Variants in TG observed in about 807,000 individuals in gnomAD.
The protein encoded by TG is thyroglobulin.
A neutral mutation model predicts 324.7 loss-of-function variants in TG; 270 were observed. The observed-to-expected ratio is 0.83, with a 90% CI of 0.75 to 0.92. The LOEUF (loss-of-function observed/expected upper bound fraction) is 0.92. Among genes scored for constraint, TG ranks in the 40% least tolerant of loss-of-function variants. TG has a pLI of 0.00. For missense variants in TG, 3,591 were observed against 3,456.4 expected (o/e 1.04, Z -0.98); for synonymous variants, 1,401 against 1,327.0 (o/e 1.06, Z -1.21).
At chr8:132,895,609 C>A (rs1450346427) in intron 11 of TG, among the ~76,000 whole-genome samples, 1 of 152,248 alleles carries the variant, frequency 6.6e-6, no homozygotes, top group African/African-American at 2.4e-5. Flanking sequence ...CCTTCTTTCT[C>A]TCTCTTCCGT....
rs1816709993 is a variant in TG, at chr8:132,893,880, G to C, written c.2952G>C (p.Glu984Asp). ...PLFPPREAFA[E>D]QFLRGSDYAI... ...TCCCGCCCCGGGAGGCTTTCGCGGA[G>C]CAGTTTCTGCGTGGGAGTGATTACG... is the stretch of plus-strand genomic sequence containing the variant. The change falls in exon 11 of 48, where the codon GAG (glutamate) becomes GAC (aspartate). Residue 984 changes from glutamate to aspartate, a missense_variant. Physicochemically the swap from Glu to Asp is conservative, Grantham distance 45. Transcript: ENST00000220616. The C allele has an allele frequency of 6.2e-7, 1 of 1,614,074 alleles. No individual in the cohort carries two copies. Among genetic ancestry groups the C allele is most frequent in the Non-Finnish European group, 8.5e-7 (1 of 1,179,972 alleles).
chr8:132,867,505 G>A (rs991341700), intron 1 of TG, among the ~76,000 whole-genome samples: 1 of 149,114 alleles, frequency 6.7e-6, no homozygotes, highest in East Asian at 2.0e-4. Context: ...ATGACTTCGG[G>A]CAAAGTGCCA....
At chr8:132,882,684 G>GGT in intron 7 of TG, 72 bp downstream of exon 7, 1 of 1,613,180 alleles carries the variant, frequency 6.2e-7, no homozygotes, top group Non-Finnish European at 8.5e-7. Flanking sequence ...AAGTTGCTAT[G>GGT]GTGTGTGTGG....
At position 132,887,382 on chromosome 8, in the gene TG, A is replaced by C; in HGVS notation, c.2010A>C (p.Gln670His). 6.2e-7 allele frequency: 1 copy of C among 1,614,210 alleles called. No individual in the cohort carries two copies. Among genetic ancestry groups the C allele is most frequent in the Non-Finnish European group, 8.5e-7 (1 of 1,180,026 alleles). The change falls in exon 9 of 48, where the codon CAA (glutamine) becomes CAC (histidine). Residue 670 changes from glutamine to histidine, a missense_variant. Coordinates refer to ENST00000220616, the MANE Select transcript of TG (RefSeq NM_003235.5). ...TDCEKQRARM[Q>H]SLMGSQPAGS... ...GTGAAAAGCAAAGGGCTCGCATGCA[A>C]AGCCTCATGGGCAGCCAGCCTGCTG...
At chr8:132,910,009 G>A (rs1819278937) in intron 18 of TG, among the ~76,000 whole-genome samples, 1 of 152,142 alleles carries the variant, frequency 6.6e-6, no homozygotes, top group South Asian at 2.1e-4. Flanking sequence ...TTCACACAGG[G>A]CCTGATGAAT....
Position 133,013,781 on chromosome 8 carries a change from G to A in TG, c.6562+17G>A, listed in dbSNP as rs1458450958. The A allele has an allele frequency of 6.2e-7, 1 of 1,605,052 alleles. No homozygotes were observed. Among genetic ancestry groups the A allele is most frequent in the Non-Finnish European group, 8.5e-7 (1 of 1,179,308 alleles). ...GGAAGCCAGGTAAGCCCAAGCCTAT[G>A]CCTTTGCAGCCATCCTGGGAAACTG... On this transcript the variant is annotated intron_variant, in intron 37 of 47. Coordinates refer to ENST00000220616, the MANE Select transcript of TG (RefSeq NM_003235.5).
chr8:133,024,378 CTTTCTTTCTTTCTT>C (rs1432753370), intron 40 of TG, among the ~76,000 whole-genome samples: 6,632 of 80,750 alleles, frequency 0.082, 364 homozygotes, highest in African/African-American at 0.13. Flanking sequence ...TTCTTTCTTT[CTTTCTTTCTTTCTT>C]TTTCTTTTTT....
At chr8:132,959,245 C>A (rs1827404841) in intron 27 of TG, among the ~76,000 whole-genome samples, 1 of 152,210 alleles carries the variant, frequency 6.6e-6, no homozygotes, top group African/African-American at 2.4e-5. Context: ...TCTTTAAACA[C>A]AAACACCTTT....
rs2702986 is a variant in TG, at chr8:133,086,406, A to G, written c.7240-8638A>G. ...AAGTTAGCTATAGATACCAAGAATCATAGTTTGAAATACTGGATAAATGTT... is the reference window on the plus strand; with the variant it reads ...AAGTTAGCTATAGATACCAAGAATCGTAGTTTGAAATACTGGATAAATGTT... On this transcript the variant is annotated intron_variant, in intron 41 of 47. Transcript: ENST00000220616. Among the ~76,000 whole-genome samples the G allele has an allele frequency of 1.6e-3, 239 of 152,372 alleles. 6 individuals carry two copies. In the South Asian group the frequency reaches 0.047, roughly 30 times the overall value.
intron 35 of TG, among the ~76,000 whole-genome samples, chr8:132,991,264 C>T (rs1832293903): frequency 6.6e-6 from 1 of 152,086 alleles, no homozygotes; most frequent in Admixed American, 6.5e-5. Flanking sequence ...TCCACAGTGG[C>T]TTTGCACTCT....
intron 35 of TG, among the ~76,000 whole-genome samples, chr8:133,000,918 G>A (rs1833418533): frequency 6.6e-6 from 1 of 152,162 alleles, no homozygotes; most frequent in South Asian, 2.1e-4. Flanking sequence ...AGCTCTGGAG[G>A]CTGCAAGTCT....
intron 35 of TG, among the ~76,000 whole-genome samples, chr8:133,004,970 T>G (rs749209400): frequency 4.6e-5 from 7 of 152,068 alleles, no homozygotes; most frequent in Non-Finnish European, 8.8e-5. Flanking sequence ...TAGACTCCAC[T>G]GGGAGGAGGC....
intron 44 of TG, among the ~76,000 whole-genome samples, chr8:133,114,919 G>A (rs59645066): frequency 0.065 from 9,839 of 152,192 alleles, 1,064 homozygotes; most frequent in African/African-American, 0.22. Flanking sequence ...CACCCACTTG[G>A]ATCTTGCGGA....
intron 41 of TG, among the ~76,000 whole-genome samples, chr8:133,051,476 A>G (rs1840389149): frequency 6.6e-6 from 1 of 152,158 alleles, no homozygotes. Flanking sequence ...TGAGGCAGTA[A>G]CTCTGAGGTT....
intron 35 of TG, among the ~76,000 whole-genome samples, chr8:133,000,908 A>G (rs1833417285): frequency 6.6e-6 from 1 of 152,136 alleles, no homozygotes; most frequent in Non-Finnish European, 1.5e-5. Context: ...ATCTTCCCAC[A>G]GCTCTGGAGG....
At chr8:133,084,323 T>C (rs1461872809) in intron 41 of TG, among the ~76,000 whole-genome samples, 1 of 152,072 alleles carries the variant, frequency 6.6e-6, no homozygotes, top group Non-Finnish European at 1.5e-5. Context: ...AAAGAAGCAG[T>C]CAGGGTCTTT....
At chr8:133,094,742 C>G in intron 41 of TG, 2 of 452,294 alleles carry the variant, frequency 4.4e-6, no homozygotes, top group East Asian at 9.2e-5. Flanking sequence ...AAAGAACCAT[C>G]AGCCCTTTGC....
chr8:133,133,065 G>A (rs992127956), intron 46 of TG, among the ~76,000 whole-genome samples: 1 of 152,192 alleles, frequency 6.6e-6, no homozygotes, highest in African/African-American at 2.4e-5. Flanking sequence ...TTATGGGGCA[G>A]CTGGCCTACA....
chr8:132,919,292 AT>A, intron 20 of TG, 83 bp from the exon 21 acceptor site: 1 of 1,450,926 alleles, frequency 6.9e-7, no homozygotes. Context: ...TGGTTTGAGG[AT>A]TTTCTTTACC....
Sources: allele counts gnomAD v4.1 joint callset (sites outside exome capture counted in the v4.1 genomes callset), GRCh38; gene constraint gnomAD v4.1.1; transcripts MANE v1.5; gene names NCBI Gene and HGNC (gene_info 2026-07-23, HGNC 2026-07-21).